Variants in CEP57 observed in about 807,000 individuals in gnomAD.
CEP57 encodes centrosomal protein 57, also known as centrosomal protein of 57 kDa.
Under a neutral mutation model 68.0 loss-of-function variants are expected in CEP57, and 40 were observed. The observed-to-expected ratio is 0.59, with a 90% CI of 0.46 to 0.77. The LOEUF is 0.77. CEP57 is among the 30% of genes least tolerant of loss of function. CEP57 has a pLI of 0.00. For synonymous variants in CEP57, 219 were observed against 198.7 expected (o/e 1.10, Z -0.86); for missense variants, 606 against 580.7 (o/e 1.04, Z -0.45).
At chr11:95,827,263 A>G (rs1862783031) in intron 8 of CEP57, 1 of 155,730 alleles carries the variant, frequency 6.4e-6, no homozygotes, top group Non-Finnish European at 1.4e-5. Flanking sequence ...AATGAACAAT[A>G]GTGTCTACCA....
At chr11:95,792,711 G>C (rs1395703044) in intron 1 of CEP57, among the ~76,000 whole-genome samples, 1 of 152,054 alleles carries the variant, frequency 6.6e-6, no homozygotes, top group African/African-American at 2.4e-5. Context: ...ACAAATCAAA[G>C]TATAACAACC....
intron 2 of CEP57, among the ~76,000 whole-genome samples, chr11:95,809,116 G>T (rs1210672303): frequency 2.0e-5 from 3 of 152,162 alleles, no homozygotes; most frequent in Admixed American, 2.0e-4. Flanking sequence ...GGTGAATAAT[G>T]AAATGAAGGC....
At chr11:95,819,160 CAG>C (rs1264793908) in intron 6 of CEP57, among the ~76,000 whole-genome samples, 3 of 152,130 alleles carry the variant, frequency 2.0e-5, no homozygotes, top group South Asian at 2.1e-4. Flanking sequence ...TAAAAAACAT[CAG>C]AGACTACACA....
At chr11:95,792,042 G>T (rs1861107159) in intron 1 of CEP57, among the ~76,000 whole-genome samples, 1 of 152,310 alleles carries the variant, frequency 6.6e-6, no homozygotes, top group African/African-American at 2.4e-5. Context: ...GTCAGTTTCA[G>T]CTTTTGGAGA....
chr11:95,817,810 A>G lies in CEP57; in HGVS notation c.528A>G (p.Gln176=), dbSNP rs1418044443. The change falls in exon 5 of 11, where the codon CAA becomes CAG. Residue 176 remains glutamine, a synonymous_variant. Transcript: ENST00000325542. ...AGGTTTCCCTAGAAAGAGAACGACA[A>G]CATGATCAAACACATGTTCAGAGCC... ...EKQVSLERER[Q]HDQTHVQSQL... is the part of the protein sequence containing the mutation. The G allele has an allele frequency of 3.7e-6, 6 of 1,613,718 alleles. No individual in the cohort carries two copies. The highest frequency in any genetic ancestry group is 1.7e-5 in the Admixed American group (1 of 60,032).
chr11:95,799,730 C>T (rs1841876991), intron 2 of CEP57, among the ~76,000 whole-genome samples: 1 of 152,158 alleles, frequency 6.6e-6, no homozygotes, highest in Non-Finnish European at 1.5e-5. Flanking sequence ...TTCAGGCTTT[C>T]ATCATCTGTA....
intron 2 of CEP57, among the ~76,000 whole-genome samples, chr11:95,809,933 T>C (rs1158229387): frequency 6.6e-6 from 1 of 152,208 alleles, no homozygotes; most frequent in African/African-American, 2.4e-5. Flanking sequence ...CTGATGATCA[T>C]TGATGCAAAA....
At chr11:95,793,140 A>G (rs1284987478) in intron 1 of CEP57, among the ~76,000 whole-genome samples, 2 of 152,218 alleles carry the variant, frequency 1.3e-5, no homozygotes, top group African/African-American at 4.8e-5. Flanking sequence ...GTGACCATGT[A>G]AATCTCAAAT....
In CEP57 at chr11:95,831,123, CAG is replaced by C; in HGVS notation, c.1371_1372del (p.Gly458AspfsTer4). ...AACAGCAGCAGCCGTTCTGGAATCA[CAG>C]GGACCACAAATAAGAAAGATTTTAT... On this transcript the variant is annotated frameshift_variant, in exon 11 of 11. Coordinates refer to ENST00000325542, the MANE Select transcript of CEP57 (RefSeq NM_014679.5). LOFTEE classifies it high-confidence loss of function. 1.2e-6 allele frequency: 2 copies of C among 1,613,528 alleles called. No homozygotes were observed. Among genetic ancestry groups the C allele is most frequent in the Non-Finnish European group, 1.7e-6 (2 of 1,179,612 alleles).
Position 95,827,955 on chromosome 11 carries a change from C to T in CEP57, c.1055C>T (p.Ser352Phe). ...AAGAAGTTGTCAGTAACACCTCCCT[C>T]CTCCAACGGTATTAATGAGGAGTTG... Reference protein sequence around the residue: ...KSKKLSVTPPSSNGINEELSE... With the variant: ...KSKKLSVTPPFSNGINEELSE... The change falls in exon 9 of 11, where the codon TCC becomes TTC. Residue 352 changes from serine (S) to phenylalanine (F), a missense_variant. By Grantham distance (155) the Ser-to-Phe change is radical. Coordinates refer to ENST00000325542, the MANE Select transcript of CEP57 (RefSeq NM_014679.5). The T allele has an allele frequency of 1.2e-6, 2 of 1,614,060 alleles. No homozygotes were observed. The highest frequency in any genetic ancestry group is 1.3e-5 in the African/African-American group (1 of 75,026).
At chr11:95,810,989 G>A (rs1443787374) in intron 2 of CEP57, among the ~76,000 whole-genome samples, 1 of 152,142 alleles carries the variant, frequency 6.6e-6, no homozygotes, top group Non-Finnish European at 1.5e-5. Context: ...ACTGTTGGTG[G>A]GATCGTAAAC....
chr11:95,803,743 A>G (rs565445455), intron 2 of CEP57, among the ~76,000 whole-genome samples: 79 of 137,144 alleles, frequency 5.8e-4, no homozygotes, highest in Middle Eastern at 7.6e-3. Flanking sequence ...GCTACAAAAG[A>G]GCTTTTTTTT....
At chr11:95,816,052 C>T (rs1565324957) in intron 4 of CEP57, among the ~76,000 whole-genome samples, 1 of 152,098 alleles carries the variant, frequency 6.6e-6, no homozygotes, top group Non-Finnish European at 1.5e-5. Context: ...TCCATTCTCA[C>T]GCTGCTATAA....
intron 2 of CEP57, among the ~76,000 whole-genome samples, chr11:95,809,119 A>G (rs1272490497): frequency 6.6e-6 from 1 of 152,374 alleles, no homozygotes; most frequent in South Asian, 2.1e-4. Context: ...GAATAATGAA[A>G]TGAAGGCAGA....
chr11:95,826,551 T>C (rs887404841), intron 8 of CEP57: 1 of 152,142 alleles, frequency 6.6e-6, no homozygotes, highest in Non-Finnish European at 1.5e-5. Context: ...GACACACATT[T>C]ACCTATATAA....
chr11:95,791,104 A>G (rs959465893), intron 1 of CEP57, among the ~76,000 whole-genome samples: 2 of 152,012 alleles, frequency 1.3e-5, no homozygotes, highest in African/African-American at 4.8e-5. Context: ...CCTCTAGGAA[A>G]CTCGCCAGAT....
intron 2 of CEP57, among the ~76,000 whole-genome samples, chr11:95,805,648 C>A (rs1861767233): frequency 6.6e-6 from 1 of 152,096 alleles, no homozygotes; most frequent in African/African-American, 2.4e-5. Flanking sequence ...CAAAATGATT[C>A]TAAATAATTA....
At chr11:95,818,787 G>A (rs1282606541) in intron 5 of CEP57, 40 bp from the exon 6 acceptor site, 13 of 1,516,344 alleles carry the variant, frequency 8.6e-6, no homozygotes, top group Non-Finnish European at 1.2e-5. Flanking sequence ...AGACACTTAA[G>A]ATTTTTCACC....
At position 95,831,343 on chromosome 11, in the gene CEP57, C is replaced by T; in HGVS notation, c.*87C>T. 1.6e-5 allele frequency: 15 copies of T among 957,616 alleles called. 1 individual carries two copies. In the South Asian group the frequency reaches 2.1e-4, roughly 14 times the overall value. 59.3% of individuals were successfully genotyped at this position (957,616 alleles called of 1,614,324 possible). ...ATTTACTTCCCAGGTCTCATACTCA[C>T]TTATGTTGGAATTAATTAATAGCAG... On this transcript the variant is annotated 3_prime_UTR_variant, in exon 11 of 11. Coordinates refer to ENST00000325542, the MANE Select transcript of CEP57 (RefSeq NM_014679.5).
Sources: gnomAD v4.1 joint callset for allele counts (sites outside exome capture counted in the v4.1 genomes callset) on GRCh38, gnomAD v4.1.1 for gene constraint, MANE v1.5 for transcripts, NCBI Gene and HGNC (gene_info 2026-07-23, HGNC 2026-07-21) for gene names.